The following SLC4A10 variants were observed in gnomAD, a reference collection of about 807,000 sequenced individuals.
SLC4A10 encodes the protein sodium-driven chloride bicarbonate exchanger.
In SLC4A10, 42 loss-of-function variants were observed where a neutral mutation model predicts 137.7. The observed-to-expected ratio is 0.30, with a 90% CI of 0.24 to 0.39. The LOEUF is 0.39. SLC4A10 is among the 10% of genes least tolerant of loss of function. SLC4A10 has a pLI of 1.00. For missense variants in SLC4A10, 925 were observed against 1,355.0 expected (o/e 0.68, Z 4.98); for synonymous variants, 474 against 464.1 (o/e 1.02, Z -0.27).
At chr2:161,807,559 C>G (rs1359676360) in intron 3 of SLC4A10, among the ~76,000 whole-genome samples, 1 of 152,102 alleles carries the variant, frequency 6.6e-6, no homozygotes, top group African/African-American at 2.4e-5. Flanking sequence ...CTCTACTTTT[C>G]TTCTATCCAT....
At chr2:161,759,446 T>G (rs2050015033) in intron 1 of SLC4A10, among the ~76,000 whole-genome samples, 1 of 152,010 alleles carries the variant, frequency 6.6e-6, no homozygotes, top group South Asian at 2.1e-4. Flanking sequence ...ATCTTATAAC[T>G]GAAAGTTTGT....
At chr2:161,881,227 C>T (rs183060706) in intron 9 of SLC4A10, among the ~76,000 whole-genome samples, 2 of 151,990 alleles carry the variant, frequency 1.3e-5, no homozygotes, top group East Asian at 3.9e-4. Flanking sequence ...TCTTTTAGAT[C>T]TTTAAAAATA....
intron 5 of SLC4A10, among the ~76,000 whole-genome samples, chr2:161,855,504 A>C (rs1317780124): frequency 6.6e-6 from 1 of 152,134 alleles, no homozygotes; most frequent in East Asian, 1.9e-4. Flanking sequence ...TTCAATATAC[A>C]GAAAAATGTT....
chr2:161,912,383 GAGT>G (rs1252436890), intron 15 of SLC4A10, among the ~76,000 whole-genome samples: 2 of 152,152 alleles, frequency 1.3e-5, no homozygotes, highest in Non-Finnish European at 2.9e-5. Context: ...GAGATGTGAT[GAGT>G]GTTCTCAAGG....
At chr2:161,863,185 A>C in intron 6 of SLC4A10, 123 bp downstream of exon 6, 1 of 942,910 alleles carries the variant, frequency 1.1e-6, no homozygotes, top group Non-Finnish European at 1.5e-6. Flanking sequence ...ATTATTGTAG[A>C]ATTCTTTTCA....
chr2:161,892,626 A>T (rs2063039725), intron 10 of SLC4A10, among the ~76,000 whole-genome samples: 1 of 152,118 alleles, frequency 6.6e-6, no homozygotes, highest in African/African-American at 2.4e-5. Context: ...AATGGTCTAA[A>T]AGTAAAATAG....
At chr2:161,873,861 G>T in intron 7 of SLC4A10, 55 bp from the exon 8 acceptor site, 1 of 1,529,838 alleles carries the variant, frequency 6.5e-7, no homozygotes, top group East Asian at 2.4e-5. Context: ...GGTGCCTGGC[G>T]GAGTCTCCGT....
chr2:161,726,210 GAAT>G (rs1190521153), intron 1 of SLC4A10, among the ~76,000 whole-genome samples: 3 of 152,044 alleles, frequency 2.0e-5, no homozygotes, highest in Non-Finnish European at 1.5e-5. Context: ...CAATTACAAT[GAAT>G]AATAATAGTA....
At chr2:161,710,117 T>C (rs1417399661) in intron 1 of SLC4A10, among the ~76,000 whole-genome samples, 1 of 151,824 alleles carries the variant, frequency 6.6e-6, no homozygotes, top group East Asian at 1.9e-4. Flanking sequence ...CTACTGATAT[T>C]GACTATAATT....
At chr2:161,700,159 T>C (rs1384019882) in intron 1 of SLC4A10, among the ~76,000 whole-genome samples, 1 of 152,166 alleles carries the variant, frequency 6.6e-6, no homozygotes, top group African/African-American at 2.4e-5. Context: ...TAAAGGCCAG[T>C]AGTTGTTGAT....
intron 15 of SLC4A10, among the ~76,000 whole-genome samples, chr2:161,930,400 C>G (rs918719201): frequency 7.9e-5 from 12 of 151,880 alleles, no homozygotes; most frequent in Admixed American, 2.6e-4. Flanking sequence ...GTTATATGAC[C>G]GTTACTTTGT....
At chr2:161,739,599 C>T (rs960045065) in intron 1 of SLC4A10, among the ~76,000 whole-genome samples, 1 of 152,190 alleles carries the variant, frequency 6.6e-6, no homozygotes, top group African/African-American at 2.4e-5. Flanking sequence ...AGTGACTACT[C>T]CTATCAAGAT....
chr2:161,852,284 C>T (rs918282563), intron 4 of SLC4A10, among the ~76,000 whole-genome samples: 5 of 152,132 alleles, frequency 3.3e-5, no homozygotes, highest in African/African-American at 1.2e-4. Context: ...AAGTAAATTT[C>T]CAATTTAACA....
At chr2:161,749,773 GC>G (rs1309834309) in intron 1 of SLC4A10, among the ~76,000 whole-genome samples, 2 of 151,760 alleles carry the variant, frequency 1.3e-5, no homozygotes, top group Non-Finnish European at 3.0e-5. Flanking sequence ...GGGTAGTATT[GC>G]CTCATAAAAT....
intron 1 of SLC4A10, among the ~76,000 whole-genome samples, chr2:161,627,441 G>T (rs574463191): frequency 1.3e-5 from 2 of 152,044 alleles, no homozygotes; most frequent in Non-Finnish European, 2.9e-5. Context: ...TAGAAAGATA[G>T]GGAAGTGAAA....
chr2:161,843,498 G>A (rs967557609), intron 4 of SLC4A10, among the ~76,000 whole-genome samples: 2 of 152,106 alleles, frequency 1.3e-5, no homozygotes, highest in African/African-American at 4.8e-5. Flanking sequence ...CATCTGATGA[G>A]CAATGGAAAT....
chr2:161,878,520 G>A (rs1360566470), intron 8 of SLC4A10, among the ~76,000 whole-genome samples: 1 of 151,986 alleles, frequency 6.6e-6, no homozygotes. Context: ...TAGCTCTTCA[G>A]TAACTCCAAA....
intron 19 of SLC4A10, among the ~76,000 whole-genome samples, chr2:161,951,625 G>A (rs765266708): frequency 6.6e-6 from 1 of 152,100 alleles, no homozygotes; most frequent in African/African-American, 2.4e-5. Context: ...GTATCGTGGG[G>A]TAGTTGCCAG....
intron 10 of SLC4A10, among the ~76,000 whole-genome samples, chr2:161,892,486 A>G (rs867302715): frequency 1.3e-5 from 2 of 152,196 alleles, no homozygotes; most frequent in Middle Eastern, 6.8e-3. Flanking sequence ...TATTATCCTA[A>G]GCAAAGTCTG....
Sources: allele counts gnomAD v4.1 joint callset (sites outside exome capture counted in the v4.1 genomes callset), GRCh38; gene constraint gnomAD v4.1.1; transcripts MANE v1.5; gene names NCBI Gene and HGNC (gene_info 2026-07-23, HGNC 2026-07-21).